CDK16: variants seen among roughly 807,000 people sequenced by gnomAD.
CDK16 encodes the protein cyclin-dependent kinase 16.
A neutral mutation model predicts 41.6 loss-of-function variants in CDK16; 2 were observed. That is an observed-to-expected ratio of 0.05 (90% CI 0.02 to 0.15). The LOEUF (loss-of-function observed/expected upper bound fraction) is 0.15. Ranked by LOEUF, CDK16 falls within the 10% of genes least tolerant of loss-of-function variation. CDK16 has a pLI of 1.00. For missense variants in CDK16, 228 were observed against 428.9 expected (o/e 0.53, Z 4.14); for synonymous variants, 169 against 169.7 (o/e 1.00, Z 0.03).
intron 2 of CDK16, 118 bp downstream of exon 2, chrX:47,223,877 G>T (rs1175285030): frequency 3.5e-6 from 2 of 578,372 alleles, no homozygotes; most frequent in Non-Finnish European, 5.6e-6. Flanking sequence ...CCCCCCATGT[G>T]CTCTCTTCTC....
chrX:47,221,485 A>G (rs766849436), intron 1 of CDK16, among the ~76,000 whole-genome samples: 1 of 111,410 alleles, frequency 9.0e-6, no homozygotes, highest in Non-Finnish European at 1.9e-5. Context: ...TGAACTCCAG[A>G]GCATGTCCAG....
intron 13 of CDK16, 63 bp downstream of exon 13, chrX:47,227,286 C>T (rs1937572725): frequency 8.9e-7 from 1 of 1,119,415 alleles, no homozygotes; most frequent in Admixed American, 2.3e-5. Context: ...ACAGGGACCC[C>T]CCCCCTCAAA....
At chrX:47,218,323 TCTCGCGAACCTTTAAAATGCCTTC>T (rs1247305171), upstream of CDK16, 4 of 250,589 alleles carry the variant, frequency 1.6e-5, no homozygotes, top group Admixed American at 6.5e-5. Flanking sequence ...AAAGTCATCT[TCTCGCGAACCTTTAAAATGCCTTC>T]CTCCCCAAGC....
chrX:47,227,099 G>A lies in CDK16; in HGVS notation c.1241G>A (p.Arg414Gln), dbSNP rs1282328413. 1.7e-6 allele frequency: 2 copies of A among 1,208,569 alleles called. No individual in the cohort carries two copies. The highest frequency in any genetic ancestry group is 1.8e-5 in the South Asian group (1 of 56,892). ...GAGGCCCTTTTGAGCCACGCACCCC[G>A]GTGAGGCTGGTGGGTGGGTGGGCGT... ...RAEALLSHAP[R>Q]LDSDGADLLT... is the part of the protein sequence containing the mutation. The change falls in exon 12 of 16, where the codon CGA becomes CAA. Residue 414 changes from arginine (R) to glutamine (Q), a missense_variant and splice_region_variant. This residue lies in a region of CDK16 where 91 missense variants were observed against 129.5 expected (regional missense o/e 0.70). Coordinates refer to ENST00000357227, the MANE Select transcript of CDK16 (RefSeq NM_006201.5).
In CDK16 at chrX:47,223,163, G is replaced by A. The variant is rs758717074; in HGVS notation, c.-6-389G>A. On this transcript the variant is annotated intron_variant, in intron 1 of 15. Transcript: ENST00000357227. ...TCAATTCTGGGCACACGCCCTGGCCGACCCATGGCTGGGCCCATCACTGCA... is the reference window on the plus strand; with the variant it reads ...TCAATTCTGGGCACACGCCCTGGCCAACCCATGGCTGGGCCCATCACTGCA... 10 of 1,156,979 alleles carry A rather than the reference G, an allele frequency of 8.6e-6. No individual in the cohort carries two copies. In the South Asian group the frequency reaches 1.3e-4, roughly 15 times the overall value.
rs747099696 is a variant in CDK16 at position 47,223,388 on chromosome X, G to T, written c.-6-164G>T. 4.4e-4 allele frequency: 474 copies of T among 1,066,068 alleles called. No homozygotes were observed. The highest frequency in any genetic ancestry group is 5.1e-4 in the Non-Finnish European group (410 of 798,168). The allele number at this position is 1,066,068 out of a possible 1,213,427, so 87.9% of individuals were successfully genotyped here. ...GGTACTGACAAAGATCCCCATCCAT[G>T]CTGGGTTTCCAGAACTCCTGAGTGG... On this transcript the variant is annotated intron_variant, in intron 1 of 15. Transcript: ENST00000357227.
rs771770787 is a variant in CDK16, at chrX:47,229,877, C to T, written c.*1109C>T. On this transcript the variant is annotated 3_prime_UTR_variant, in exon 16 of 16. Coordinates refer to ENST00000357227, the MANE Select transcript of CDK16 (RefSeq NM_006201.5). ...TACCTCCCCTTCCTCCACCCTAAGC[C>T]CTGGGGCCCTGAAATGGGGTGGGAG... The T allele has an allele frequency of 9.0e-6, 1 of 111,681 alleles. No homozygotes were observed. Among genetic ancestry groups the T allele is most frequent in the Non-Finnish European group, 1.9e-5 (1 of 53,068 alleles). The allele number at this position is 111,681 out of a possible 1,213,427, so 9.2% of individuals were successfully genotyped here. A position where few individuals can be genotyped will look rare whatever the true frequency, so the allele number is the denominator to read the frequency against.
chrX:47,229,380 C>A lies in CDK16; in HGVS notation c.*612C>A, dbSNP rs1393716886. On this transcript the variant is annotated 3_prime_UTR_variant, in exon 16 of 16. Transcript: ENST00000357227. ...TGTGGCCCTCCCACAGTATTTTGTGCAATGAAGCCCTGCTCCCAGCCTTTC... is the reference window on the plus strand; with the variant it reads ...TGTGGCCCTCCCACAGTATTTTGTGAAATGAAGCCCTGCTCCCAGCCTTTC... 3.1e-6 allele frequency: 1 copy of A among 327,454 alleles called. No homozygotes were observed. The highest frequency in any genetic ancestry group is 9.9e-5 in the East Asian group (1 of 10,097). The allele number at this position is 327,454 out of a possible 1,213,427, so 27.0% of individuals were successfully genotyped here.
chrX:47,219,232 C>G, intron 1 of CDK16, 127 bp downstream of exon 1: 28 of 671,737 alleles, frequency 4.2e-5, no homozygotes, highest in Non-Finnish European at 5.0e-5. Flanking sequence ...CAGAATGCAC[C>G]GGGGCGGGGG....
chrX:47,227,358 C>T (rs1296579384), intron 13 of CDK16, 21 bp from the exon 14 acceptor site: 11 of 1,176,724 alleles, frequency 9.3e-6, no homozygotes, highest in East Asian at 3.0e-5. Flanking sequence ...ATACTATCCC[C>T]CTCCCCGCAC....
Position 47,224,505 on chromosome X carries a change from A to G in CDK16, c.323A>G (p.Lys108Arg), listed in dbSNP as rs778039786. Residue 108 changes from lysine to arginine, a missense_variant, in exon 3 of 16, where the codon AAG becomes AGG. Physicochemically the swap from Lys to Arg is conservative, Grantham distance 26. Coordinates refer to ENST00000357227, the MANE Select transcript of CDK16 (RefSeq NM_006201.5). Reference sequence around the variant, plus strand: ...CGTATGCGCAACCATCCCCCACGCAAGATCTCCACTGAGGTGCTTGACCCC... The same window carrying G: ...CGTATGCGCAACCATCCCCCACGCAGGATCTCCACTGAGGTGCTTGACCCC... ...RVRMRNHPPR[K>R]ISTEDINKRL... 8.3e-7 allele frequency: 1 copy of G among 1,203,425 alleles called. No homozygotes were observed. Among genetic ancestry groups the G allele is most frequent in the Non-Finnish European group, 1.1e-6 (1 of 890,619 alleles).
intron 8 of CDK16, 112 bp downstream of exon 8, chrX:47,226,139 T>C: frequency 9.2e-7 from 1 of 1,085,605 alleles, no homozygotes; most frequent in South Asian, 1.9e-5. Context: ...TAGGAGCCCT[T>C]GGAGGGCACT....
At chrX:47,223,896 C>A in intron 2 of CDK16, 137 bp downstream of exon 2, 1 of 509,506 alleles carries the variant, frequency 2.0e-6, no homozygotes. Context: ...TCCCCCTTCC[C>A]TCCCATCTTC....
rs1379885025 is a variant in CDK16 at position 47,225,955 on chromosome X, C to G, written c.730-10C>G. On this transcript the variant is annotated splice_polypyrimidine_tract_variant and intron_variant, in intron 7 of 15. Coordinates refer to ENST00000357227, the MANE Select transcript of CDK16 (RefSeq NM_006201.5). ...AACCCTCATTCCTGTACCACCTCTT[C>G]TTTCCTCAGGACAAGGACCTGAAGC... 3 of 1,204,352 alleles carry G rather than the reference C, an allele frequency of 2.5e-6. No individual in the cohort carries two copies. Among genetic ancestry groups the G allele is most frequent in the Non-Finnish European group, 3.4e-6 (3 of 890,911 alleles).
chrX:47,225,197 C>T (rs1460566738), intron 6 of CDK16, 95 bp downstream of exon 6: 2 of 554,647 alleles, frequency 3.6e-6, no homozygotes, highest in Non-Finnish European at 5.9e-6. Flanking sequence ...TAAGACCCCC[C>T]AAAACACTCT....
intron 1 of CDK16, chrX:47,223,094 CTA>C (rs1937414835): frequency 8.7e-7 from 1 of 1,153,481 alleles, no homozygotes; most frequent in Admixed American, 2.6e-5. Flanking sequence ...GCTAGGGGAA[CTA>C]TGCCACTCTA....
At position 47,229,658 on chromosome X, in the gene CDK16, C is replaced by T. The variant is rs1286348277; in HGVS notation, c.*890C>T. The T allele has an allele frequency of 2.1e-5, 4 of 188,751 alleles. No individual in the cohort carries two copies. Among genetic ancestry groups the T allele is most frequent in the Non-Finnish European group, 4.0e-5 (4 of 99,688 alleles). The allele number at this position is 188,751 out of a possible 1,213,427, so 15.6% of individuals were successfully genotyped here. A position where few individuals can be genotyped will look rare whatever the true frequency, so the allele number is the denominator to read the frequency against. On this transcript the variant is annotated 3_prime_UTR_variant, in exon 16 of 16. Transcript: ENST00000357227. ...CCCAGCCCAGTCCCCTTGCTCCCAT[C>T]CCACTCGGTGCTGTTGGGTAGGGGC...
intron 1 of CDK16, 111 bp from the exon 2 acceptor site, chrX:47,223,441 C>A: frequency 1.0e-6 from 1 of 985,068 alleles, no homozygotes; most frequent in Non-Finnish European, 1.4e-6. Context: ...GTTGAGTGAG[C>A]ACTGACAAGT....
intron 14 of CDK16, 56 bp downstream of exon 14, chrX:47,227,525 T>C: frequency 2.2e-6 from 2 of 916,152 alleles, no homozygotes; most frequent in Non-Finnish European, 3.1e-6. Flanking sequence ...ACAGGACTGC[T>C]GGGGCCAGCT....
Sources: allele counts gnomAD v4.1 joint callset (sites outside exome capture counted in the v4.1 genomes callset), GRCh38; gene constraint gnomAD v4.1.1; regional missense constraint gnomAD v4.1.1; transcripts MANE v1.5; gene names NCBI Gene and HGNC (gene_info 2026-07-23, HGNC 2026-07-21).